The following TMEM255B variants were observed in gnomAD, a reference collection of about 807,000 sequenced individuals.
TMEM255B encodes family with sequence similarity 70, member B.
In TMEM255B, 35 loss-of-function variants were observed where a neutral mutation model predicts 34.5. The ratio of observed to expected loss-of-function variants is 1.01; its 90% CI spans 0.77 to 1.34. The LOEUF is 1.34. Ranked by LOEUF, TMEM255B falls within the 40% of genes most tolerant of loss-of-function variation. The pLI is 0.00. For missense variants in TMEM255B, 432 were observed against 433.2 expected, an observed-to-expected ratio of 1.00 and a Z score of 0.02; for synonymous variants, 206 against 201.2, an observed-to-expected ratio of 1.02 and a Z score of -0.20.
chr13:113,798,806 T>G (rs565388877), intron 4 of TMEM255B, among the ~76,000 whole-genome samples: 3 of 151,930 alleles, frequency 2.0e-5, no homozygotes, highest in Non-Finnish European at 4.4e-5. Flanking sequence ...GCATTATGGA[T>G]GAATGAATAG....
chr13:113,784,313 G>A (rs2050708232), intron 3 of TMEM255B, among the ~76,000 whole-genome samples: 2 of 152,080 alleles, frequency 1.3e-5, no homozygotes, highest in Non-Finnish European at 2.9e-5. Flanking sequence ...GAAGAGACTG[G>A]GAGTTCCCAA....
chr13:113,773,086 A>G lies in TMEM255B; in HGVS notation c.252+3926A>G, dbSNP rs187649017. On this transcript the variant is annotated intron_variant, in intron 3 of 8. Transcript: ENST00000375353. ...TTTAGTTTTTAAAACAATGTTTTGT[A>G]GTTCTTAGAGTATAAGTTTTGTATC... Among the ~76,000 whole-genome samples, 165 of 152,322 alleles carry G rather than the reference A, an allele frequency of 1.1e-3. 1 individual carries two copies. Among genetic ancestry groups the G allele is most frequent in the Non-Finnish European group, 1.9e-3 (127 of 68,016 alleles).
Position 113,766,287 on chromosome 13 carries a change from G to A in TMEM255B, c.189+30G>A, listed in dbSNP as rs200043903. On this transcript the variant is annotated intron_variant, in intron 2 of 8. Coordinates refer to ENST00000375353, the MANE Select transcript of TMEM255B (RefSeq NM_182614.4). The stretch of plus-strand genomic sequence containing the variant: ...GTGCGCCGGGCGGGCGGCCTGGGCC[G>A]GGGAGGGCAGGGTGGTGTGTGGCTC... The A allele has an allele frequency of 6.4e-5, 103 of 1,612,748 alleles. 1 individual carries two copies. The African/African-American group carries it at 9.5e-4, about 15-fold the overall frequency.
chr13:113,811,903 A>C lies in TMEM255B; in HGVS notation c.981A>C (p.Ter327CysextTer1). ...PGEKPPPYAP[*>C] The stretch of plus-strand genomic sequence containing the variant: ...AGAAGCCACCCCCCTACGCACCCTG[A>C]TAGAGGCGTGGAGTAAAAGATAACT... Residue 327 changes from the stop codon to cysteine, a stop_lost, in exon 9 of 9, where the codon TGA becomes TGC. Coordinates refer to ENST00000375353, the MANE Select transcript of TMEM255B (RefSeq NM_182614.4). 1 of 1,590,286 alleles carries C rather than the reference A, an allele frequency of 6.3e-7. No individual in the cohort carries two copies. Among genetic ancestry groups the C allele is most frequent in the Non-Finnish European group, 8.5e-7 (1 of 1,171,822 alleles).
At chr13:113,811,183 GT>G (rs2051292666) in intron 8 of TMEM255B, among the ~76,000 whole-genome samples, 1 of 117,986 alleles carries the variant, frequency 8.5e-6, no homozygotes, top group African/African-American at 3.4e-5. Context: ...GGTCTGTGGG[GT>G]GGGGGCCAGT....
chr13:113,800,540 G>A (rs1442387170), intron 5 of TMEM255B, among the ~76,000 whole-genome samples: 1 of 152,070 alleles, frequency 6.6e-6, no homozygotes, highest in Admixed American at 6.5e-5. Flanking sequence ...CACGCACCCT[G>A]ATATTTCCCT....
intron 3 of TMEM255B, among the ~76,000 whole-genome samples, chr13:113,789,698 G>A (rs2050795770): frequency 6.6e-6 from 1 of 152,240 alleles, no homozygotes; most frequent in Non-Finnish European, 1.5e-5. Flanking sequence ...GACTGACCAG[G>A]CACATGGACA....
rs750034451 is a variant in TMEM255B at position 113,800,908 on chromosome 13, G to A, written c.505G>A (p.Gly169Arg). ...TCYCCDLYAC[G>R]SAEPSPAYYE... is the part of the protein sequence containing the mutation. ...TTACTGCTGTGACCTCTATGCCTGC[G>A]GGAGGTGAGGGGCACCGGGGACCCC... The change falls in exon 6 of 9, where the codon GGG (glycine) becomes AGG (arginine). Residue 169 changes from glycine to arginine, a missense_variant. Coordinates refer to ENST00000375353, the MANE Select transcript of TMEM255B (RefSeq NM_182614.4). 17 of 1,209,168 alleles carry A rather than the reference G, an allele frequency of 1.4e-5. 1 individual carries two copies. The highest frequency in any genetic ancestry group is 2.6e-5 in the African/African-American group (1 of 38,184). The allele number at this position is 1,209,168 out of a possible 1,614,324, so 74.9% of individuals were successfully genotyped here.
At chr13:113,765,187 C>T (rs1244796570) in intron 1 of TMEM255B, among the ~76,000 whole-genome samples, 1 of 152,192 alleles carries the variant, frequency 6.6e-6, no homozygotes, top group East Asian at 1.9e-4. Flanking sequence ...GAAGGAAGGC[C>T]GTGACCAAGG....
chr13:113,790,464 G>A lies in TMEM255B; in HGVS notation c.253-4684G>A, dbSNP rs1300708085. On this transcript the variant is annotated intron_variant, in intron 3 of 8. Transcript: ENST00000375353. ...TGGACATCCTAGCTGTGGACTGACC[G>A]GACACGTAGACATCCTAGCACTGAA... Among the ~76,000 whole-genome samples, 4 of 84,964 alleles carry A rather than the reference G, an allele frequency of 4.7e-5. 1 individual carries two copies. Among genetic ancestry groups the A allele is most frequent in the African/African-American group, 1.8e-4 (4 of 22,030 alleles). The allele number at this position is 84,964 out of a possible 152,430, so 55.7% of individuals were successfully genotyped here.
rs1331838938 is a variant in TMEM255B at position 113,806,288 on chromosome 13, G to T, written c.813+1260G>T. Among the ~76,000 whole-genome samples the T allele has an allele frequency of 1.3e-5, 2 of 152,056 alleles. No individual in the cohort carries two copies. Among genetic ancestry groups the T allele is most frequent in the East Asian group, 3.9e-4 (2 of 5,154 alleles). ...ACTCATGGAGATGGTGCGTCTGGGG[G>T]TCCCTGGGGTCCAGGGGCCTGTGGG... On this transcript the variant is annotated intron_variant, in intron 8 of 8. Transcript: ENST00000375353. The surrounding 1 kb of genome is among the most constrained non-coding windows in gnomAD (Gnocchi z 4.2).
rs886738914 is a variant in TMEM255B, at chr13:113,812,877, C to T, written c.*974C>T. On this transcript the variant is annotated 3_prime_UTR_variant, in exon 9 of 9. Transcript: ENST00000375353. ...GGCATCCCGGGTGGGTCACAGGTCC[C>T]GAGTGGGTCACAGGCCCCGGGTGAG... is the stretch of plus-strand genomic sequence containing the variant. 2.2e-4 allele frequency: 25 copies of T among 113,184 alleles called. No individual in the cohort carries two copies. The highest frequency in any genetic ancestry group is 7.7e-4 in the South Asian group (3 of 3,908). 7.0% of individuals were successfully genotyped at this position (113,184 alleles called of 1,614,324 possible).
Position 113,812,258 on chromosome 13 carries a change from G to A in TMEM255B, c.*355G>A, listed in dbSNP as rs1272307126. On this transcript the variant is annotated 3_prime_UTR_variant, in exon 9 of 9. Transcript: ENST00000375353. The stretch of plus-strand genomic sequence containing the variant: ...AAGACAGTGCAGCCCCGGCCTCCCT[G>A]CCTGTGTGTTCTTGTTTGTGGACAT... 5 of 288,278 alleles carry A rather than the reference G, an allele frequency of 1.7e-5. No homozygotes were observed. In the East Asian group the frequency reaches 4.5e-4, roughly 26 times the overall value. 17.9% of individuals were successfully genotyped at this position (288,278 alleles called of 1,614,324 possible).
intron 1 of TMEM255B, among the ~76,000 whole-genome samples, chr13:113,759,741 C>T (rs1324283348): frequency 3.9e-5 from 6 of 152,178 alleles, no homozygotes; most frequent in Non-Finnish European, 5.9e-5. Context: ...GGGAAAACTT[C>T]GTTTGGAAGA....
At chr13:113,766,550 C>G (rs187829684) in intron 2 of TMEM255B, 5 of 466,796 alleles carry the variant, frequency 1.1e-5, no homozygotes, top group African/African-American at 5.9e-5. Context: ...CACAGGGTGA[C>G]CAGAGGGCAG....
chr13:113,799,830 C>G (rs775379735), intron 5 of TMEM255B: 3 of 636,126 alleles, frequency 4.7e-6, no homozygotes, highest in South Asian at 4.5e-5. Context: ...GAGTGAGATG[C>G]GGGGAGTAAT....
Position 113,801,832 on chromosome 13 carries a change from C to A in TMEM255B, c.669+20C>A. 1 of 1,573,190 alleles carries A rather than the reference C, an allele frequency of 6.4e-7. No homozygotes were observed. The highest frequency in any genetic ancestry group is 8.6e-7 in the Non-Finnish European group (1 of 1,157,744). On this transcript the variant is annotated intron_variant, in intron 7 of 8. Transcript: ENST00000375353. ...GACATGGTGAGGCCCCTTGGTGGGA[C>A]CCCCGCTGCTCACTGGGAGCCGGGG...
chr13:113,766,126 A>T lies in TMEM255B; in HGVS notation c.58A>T (p.Arg20Trp). The change falls in exon 2 of 9, where the codon AGG (arginine) becomes TGG (tryptophan). Residue 20 changes from arginine to tryptophan, a missense_variant. By Grantham distance (101) the Arg-to-Trp change is moderately radical. Coordinates refer to ENST00000375353, the MANE Select transcript of TMEM255B (RefSeq NM_182614.4). ...CTTCCTCCCCACAGAAGGGCTTTCG[A>T]GGAGGAAGAAGACGTCGCTCTGGTT... The part of the protein sequence containing the change: ...GLLDPAEGLS[R>W]RKKTSLWFVG... 1.2e-6 allele frequency: 2 copies of T among 1,614,138 alleles called. No homozygotes were observed. Among genetic ancestry groups the T allele is most frequent in the Non-Finnish European group, 1.7e-6 (2 of 1,180,020 alleles).
chr13:113,811,693 G>T (rs774679073), intron 8 of TMEM255B, 43 bp from the exon 9 acceptor site: 3 of 1,610,206 alleles, frequency 1.9e-6, no homozygotes, highest in Non-Finnish European at 2.5e-6. Flanking sequence ...CCGGCACGGG[G>T]TGGTCTCACC....
Sources: allele counts gnomAD v4.1 joint callset (sites outside exome capture counted in the v4.1 genomes callset), GRCh38; gene constraint gnomAD v4.1.1; non-coding constraint Gnocchi (gnomAD v3.1); transcripts MANE v1.5; gene names NCBI Gene and HGNC (gene_info 2026-07-23, HGNC 2026-07-21).